Variants in KAT2A observed in about 807,000 individuals in gnomAD.
KAT2A encodes histone acetyltransferase KAT2A.
A neutral mutation model predicts 95.2 loss-of-function variants in KAT2A; 42 were observed. The ratio of observed to expected loss-of-function variants is 0.44; its 90% confidence interval spans 0.34 to 0.57. The LOEUF (loss-of-function observed/expected upper bound fraction) is 0.57. KAT2A is among the 20% of genes least tolerant of loss of function. The pLI is 0.01. For missense variants in KAT2A, 784 were observed against 1,126.3 expected, an observed-to-expected ratio of 0.70 and a Z score of 4.35; for synonymous variants, 449 against 448.2, an observed-to-expected ratio of 1.00 and a Z score of -0.02.
At chr17:42,120,489 T>C in intron 2 of KAT2A, 119 bp from the exon 3 acceptor site, 1 of 1,251,068 alleles carries the variant, frequency 8.0e-7, no homozygotes, top group Non-Finnish European at 1.1e-6. Flanking sequence ...TGACCAACAG[T>C]GAGACTGACT....
chr17:42,118,085 CG>C, intron 7 of KAT2A, 68 bp from the exon 8 acceptor site: 1 of 1,013,732 alleles, frequency 9.9e-7, no homozygotes, highest in Non-Finnish European at 1.4e-6. Flanking sequence ...AAGTCAGGGA[CG>C]GGGGCTGAAG....
chr17:42,114,106 G>C lies in KAT2A; in HGVS notation c.2236-22C>G, dbSNP rs1480544090. 1 of 1,560,074 alleles carries C rather than the reference G, an allele frequency of 6.4e-7. No individual in the cohort carries two copies. On this transcript the variant is annotated intron_variant, in intron 16 of 17. Transcript: ENST00000225916. This position sits in a 1 kb window ranked among gnomAD's most constrained non-coding sequence, Gnocchi z 6.0. ...GAGACTGGAGAGAAGAGCCGGGCTGGGGACAGCCCTGCTGCGCCCACGCCA... is the reference window on the plus strand; with the variant it reads ...GAGACTGGAGAGAAGAGCCGGGCTGCGGACAGCCCTGCTGCGCCCACGCCA...
rs782130649 is a variant in KAT2A at position 42,113,583 on chromosome 17, C to G, written c.*66G>C. On this transcript the variant is annotated 3_prime_UTR_variant, in exon 18 of 18. Transcript: ENST00000225916. The stretch of plus-strand genomic sequence containing the variant: ...TCGGGTCCGTGGGGCCAGGGCACCC[C>G]CTAAGGATCAGATCAGAATCCGAGG... 4.1e-5 allele frequency: 62 copies of G among 1,503,874 alleles called. No homozygotes were observed. Among genetic ancestry groups the G allele is most frequent in the Non-Finnish European group, 5.0e-5 (56 of 1,110,052 alleles). 93.2% of individuals were successfully genotyped at this position (1,503,874 alleles called of 1,614,324 possible).
chr17:42,117,624 G>A lies in KAT2A; in HGVS notation c.1429-28C>T, dbSNP rs782790918. The A allele has an allele frequency of 1.4e-5, 23 of 1,606,586 alleles. No homozygotes were observed. The highest frequency in any genetic ancestry group is 1.7e-4 in the Middle Eastern group (1 of 5,780). On this transcript the variant is annotated intron_variant, in intron 9 of 17. Coordinates refer to ENST00000225916, the MANE Select transcript of KAT2A (RefSeq NM_021078.3). The surrounding 1 kb of genome is among the most constrained non-coding windows in gnomAD (Gnocchi z 8.9). ...GGGCACAGAAGAGGGGTGGTGAGCC[G>A]GGGTCTCAGGTTGGTGGGGGTCCCC...
chr17:42,113,816 G>C lies in KAT2A; in HGVS notation c.2347C>G (p.Arg783Gly). ...IDLKTMTERLRSRYYVTRKLF... is the reference protein window; with the variant it reads ...IDLKTMTERLGSRYYVTRKLF... ...TTCCGGGTCACGTAGTAGCGGCTTCGCAGCCGCTCAGTCATGGTCTTCAGG... is the reference window on the plus strand; with the variant it reads ...TTCCGGGTCACGTAGTAGCGGCTTCCCAGCCGCTCAGTCATGGTCTTCAGG... The change falls in exon 18 of 18, where the codon CGA (arginine) becomes GGA (glycine). Residue 783 changes from arginine to glycine, a missense_variant. This residue lies in a region of KAT2A where 195 missense variants were observed against 247.1 expected (regional missense o/e 0.79). Transcript: ENST00000225916. The C allele has an allele frequency of 6.3e-7, 1 of 1,598,318 alleles. No individual in the cohort carries two copies. The highest frequency in any genetic ancestry group is 8.5e-7 in the Non-Finnish European group (1 of 1,174,616).
intron 11 of KAT2A, among the ~76,000 whole-genome samples, chr17:42,116,267 G>C (rs1291086800): frequency 6.6e-6 from 1 of 152,210 alleles, no homozygotes; most frequent in Non-Finnish European, 1.5e-5. Flanking sequence ...GGAGTCACCA[G>C]AGGTCTGAGC....
intron 11 of KAT2A, 80 bp from the exon 12 acceptor site, chr17:42,115,913 C>T (rs1055733904): frequency 1.4e-5 from 12 of 828,970 alleles, no homozygotes; most frequent in Non-Finnish European, 2.4e-5. Context: ...CAGAGAAGAG[C>T]GGGTAGATTG....
At position 42,118,259 on chromosome 17, in the gene KAT2A, C is replaced by T. The variant is rs782812144; in HGVS notation, c.1180+38G>A. The stretch of plus-strand genomic sequence containing the variant: ...ACCCAGGAGGCTTAGCTCAGCCAGG[C>T]AGGCCAGACACCCTACAGAGCGTAC... On this transcript the variant is annotated intron_variant, in intron 7 of 17. Coordinates refer to ENST00000225916, the MANE Select transcript of KAT2A (RefSeq NM_021078.3). The T allele has an allele frequency of 8.1e-6, 12 of 1,476,924 alleles. No homozygotes were observed. The Admixed American group carries it at 1.8e-4, about 23-fold the overall frequency. 91.5% of individuals were successfully genotyped at this position (1,476,924 alleles called of 1,614,324 possible).
At position 42,118,371 on chromosome 17, in the gene KAT2A, C is replaced by T; in HGVS notation, c.1106G>A (p.Gly369Glu). The T allele has an allele frequency of 6.2e-7, 1 of 1,613,308 alleles. No homozygotes were observed. The highest frequency in any genetic ancestry group is 8.5e-7 in the Non-Finnish European group (1 of 1,179,230). The stretch of plus-strand genomic sequence containing the variant: ...TGACTCCCAGATTGGAGAGTTTGCC[C>T]CATAGATCTCCTCCTCCAGCATGGA... ...FLSMLEEEIY[G>E]ANSPIWESGF... The change falls in exon 7 of 18, where the codon GGG becomes GAG. Residue 369 changes from glycine (G) to glutamate (E), a missense_variant. Physicochemically the swap from Gly to Glu is moderately conservative, Grantham distance 98. Coordinates refer to ENST00000225916, the MANE Select transcript of KAT2A (RefSeq NM_021078.3).
Position 42,113,988 on chromosome 17 carries a change from G to A in KAT2A, c.2320+12C>T, listed in dbSNP as rs1555665359. On this transcript the variant is annotated intron_variant, in intron 17 of 17. Coordinates refer to ENST00000225916, the MANE Select transcript of KAT2A (RefSeq NM_021078.3). ...GAAGAGGAGGGAAGGGGATGGAATG[G>A]AAGGTCCTCACCAATGGGGAAGCGG... 6 of 1,508,290 alleles carry A rather than the reference G, an allele frequency of 4.0e-6. No homozygotes were observed. The highest frequency in any genetic ancestry group is 5.3e-6 in the Non-Finnish European group (6 of 1,130,822). 93.4% of individuals were successfully genotyped at this position (1,508,290 alleles called of 1,614,324 possible).
Position 42,117,001 on chromosome 17 carries a change from TGGACTGGGGCTGGGGCCGG to T in KAT2A, c.1764+15_1764+33del. ...CTGGCCCAAACTCAGGAGTGGGCCG[TGGACTGGGGCTGGGGCCGG>T]GGAGCCGCGCTCACCTTGACCTGCT... On this transcript the variant is annotated intron_variant, in intron 11 of 17. Coordinates refer to ENST00000225916, the MANE Select transcript of KAT2A (RefSeq NM_021078.3). The surrounding 1 kb of genome is among the most constrained non-coding windows in gnomAD (Gnocchi z 8.9). The T allele has an allele frequency of 2.5e-6, 4 of 1,611,780 alleles. No individual in the cohort carries two copies. The highest frequency in any genetic ancestry group is 3.4e-6 in the Non-Finnish European group (4 of 1,179,462).
Position 42,115,767 on chromosome 17 carries a change from G to C in KAT2A, c.1831C>G (p.Leu611Val). The C allele has an allele frequency of 6.2e-7, 1 of 1,613,962 alleles. No individual in the cohort carries two copies. The highest frequency in any genetic ancestry group is 8.5e-7 in the Non-Finnish European group (1 of 1,179,840). Residue 611 changes from leucine to valine, a missense_variant, in exon 12 of 18, where the codon CTC becomes GTC. Around this residue, in one of 6 missense-constraint regions of KAT2A, gnomAD observed 174 missense variants for 324.9 expected, o/e 0.54. Transcript: ENST00000225916. ...ATGGCGTACTCGTCGGCGTAGGTGA[G>C]GAAGTAGAGAATGTTGTGCTTGATG... ...YHIKHNILYF[L>V]TYADEYAIGY...
chr17:42,119,950 A>G lies in KAT2A; in HGVS notation c.699+80T>C. 1 of 1,278,442 alleles carries G rather than the reference A, an allele frequency of 7.8e-7. No individual in the cohort carries two copies. The highest frequency in any genetic ancestry group is 1.1e-6 in the Non-Finnish European group (1 of 878,356). 79.2% of individuals were successfully genotyped at this position (1,278,442 alleles called of 1,614,324 possible). ...CCTCCCCAGTGTTCTCAGCTTGAGGAGAATGGAGAACACAGGCTCCCCACT... is the reference window on the plus strand; with the variant it reads ...CCTCCCCAGTGTTCTCAGCTTGAGGGGAATGGAGAACACAGGCTCCCCACT... On this transcript the variant is annotated intron_variant, in intron 4 of 17. Transcript: ENST00000225916. This position sits in a 1 kb window ranked among gnomAD's most constrained non-coding sequence, Gnocchi z 5.3.
rs1568011567 is a variant in KAT2A at position 42,117,777 on chromosome 17, C to T, written c.1329G>A (p.Glu443=). Residue 443 remains glutamate (E), a synonymous_variant, in exon 9 of 18, where the codon GAG becomes GAA. Coordinates refer to ENST00000225916, the MANE Select transcript of KAT2A (RefSeq NM_021078.3). The surrounding 1 kb of genome is among the most constrained non-coding windows in gnomAD (Gnocchi z 8.9). ...CCATCACACGGAGCCGCTTGGCATCCTCCAGGGTCAGGTTCTCTGGGAGCG... is the reference window on the plus strand; with the variant it reads ...CCATCACACGGAGCCGCTTGGCATCTTCCAGGGTCAGGTTCTCTGGGAGCG... ...KRTLPENLTL[E]DAKRLRVMGD... is the part of the protein sequence containing the mutation. 4 of 1,614,054 alleles carry T rather than the reference C, an allele frequency of 2.5e-6. No homozygotes were observed. The highest frequency in any genetic ancestry group is 3.4e-6 in the Non-Finnish European group (4 of 1,179,906).
chr17:42,114,872 T>C lies in KAT2A; in HGVS notation c.2019+20A>G. ...GCCCATTCATGAAAAATCCCACAGA[T>C]GCGCATGTGTGCACACCACCTCTTT... On this transcript the variant is annotated intron_variant, in intron 13 of 17. Transcript: ENST00000225916. This position sits in a 1 kb window ranked among gnomAD's most constrained non-coding sequence, Gnocchi z 6.0. 6.2e-7 allele frequency: 1 copy of C among 1,613,468 alleles called. No homozygotes were observed. The highest frequency in any genetic ancestry group is 8.5e-7 in the Non-Finnish European group (1 of 1,179,576).
At position 42,121,336 on chromosome 17, in the gene KAT2A, C is replaced by A. The variant is rs782388058; in HGVS notation, c.-32G>T. On this transcript the variant is annotated 5_prime_UTR_variant, in exon 1 of 18. Coordinates refer to ENST00000225916, the MANE Select transcript of KAT2A (RefSeq NM_021078.3). ...CCCCGCAGCGGAGAGCGGCGCCGCG[C>A]TCCCAGCCCTAGGGCCGCATGGGCA... 1.8e-5 allele frequency: 24 copies of A among 1,364,770 alleles called. No homozygotes were observed. The highest frequency in any genetic ancestry group is 2.3e-5 in the Non-Finnish European group (24 of 1,066,348). 84.5% of individuals were successfully genotyped at this position (1,364,770 alleles called of 1,614,324 possible).
Position 42,117,635 on chromosome 17 carries a change from T to C in KAT2A, c.1429-39A>G. 1 of 1,606,018 alleles carries C rather than the reference T, an allele frequency of 6.2e-7. No homozygotes were observed. The highest frequency in any genetic ancestry group is 8.5e-7 in the Non-Finnish European group (1 of 1,174,912). On this transcript the variant is annotated intron_variant, in intron 9 of 17. Transcript: ENST00000225916. This position sits in a 1 kb window ranked among gnomAD's most constrained non-coding sequence, Gnocchi z 8.9. Reference sequence around the variant, plus strand: ...AGGGGTGGTGAGCCGGGGTCTCAGGTTGGTGGGGGTCCCCCAACTGGTCAG... The same window carrying C: ...AGGGGTGGTGAGCCGGGGTCTCAGGCTGGTGGGGGTCCCCCAACTGGTCAG...
chr17:42,117,012 TGGGGCC>T lies in KAT2A; in HGVS notation c.1764+17_1764+22del. 1 of 1,612,860 alleles carries T rather than the reference TGGGGCC, an allele frequency of 6.2e-7. No individual in the cohort carries two copies. Among genetic ancestry groups the T allele is most frequent in the African/African-American group, 1.3e-5 (1 of 75,068 alleles). ...TCAGGAGTGGGCCGTGGACTGGGGC[TGGGGCC>T]GGGGAGCCGCGCTCACCTTGACCTG... On this transcript the variant is annotated intron_variant, in intron 11 of 17. Coordinates refer to ENST00000225916, the MANE Select transcript of KAT2A (RefSeq NM_021078.3). The surrounding 1 kb of genome is among the most constrained non-coding windows in gnomAD (Gnocchi z 8.9).
Position 42,118,016 on chromosome 17 carries a change from A to T in KAT2A, c.1182T>A (p.Ala394=). The change falls in exon 8 of 18, where the codon GCT becomes GCA. Residue 394 remains alanine (A), a splice_region_variant and synonymous_variant. Transcript: ENST00000225916. ...SEGTQLVPRP[A]SVSAAVVPST... ...TGGGAACAACCGCTGCACTGACTGA[A>T]GCTGAGGAGAGAGAGAGACGTCAGG... 7.0e-7 allele frequency: 1 copy of T among 1,434,500 alleles called. No homozygotes were observed. Among genetic ancestry groups the T allele is most frequent in the Non-Finnish European group, 9.4e-7 (1 of 1,069,452 alleles). 88.9% of individuals were successfully genotyped at this position (1,434,500 alleles called of 1,614,324 possible).
Sources: allele counts gnomAD v4.1 joint callset (sites outside exome capture counted in the v4.1 genomes callset), GRCh38; gene constraint gnomAD v4.1.1; regional missense constraint gnomAD v4.1.1; non-coding constraint Gnocchi (gnomAD v3.1); transcripts MANE v1.5; gene names NCBI Gene and HGNC (gene_info 2026-07-23, HGNC 2026-07-21).